The following SEMA5A variants were observed in gnomAD, a reference collection of about 807,000 sequenced individuals.
SEMA5A encodes the protein semaphorin-5A.
In SEMA5A, 55 loss-of-function variants were observed where a neutral mutation model predicts 135.5. The observed-to-expected ratio is 0.41, with a 90% CI of 0.33 to 0.51. SEMA5A has a LOEUF of 0.51. Among genes scored for constraint, SEMA5A ranks in the 20% least tolerant of loss-of-function variants. The pLI is 0.37. For missense variants in SEMA5A, 1,290 were observed against 1,419.9 expected, an observed-to-expected ratio of 0.91 and a Z score of 1.47; for synonymous variants, 580 against 546.5, an observed-to-expected ratio of 1.06 and a Z score of -0.85.
Position 9,224,726 on chromosome 5 carries a change from T to G in SEMA5A, c.594A>C (p.Leu198=). The G allele has an allele frequency of 1.2e-6, 2 of 1,614,138 alleles. No homozygotes were observed. The highest frequency in any genetic ancestry group is 1.7e-6 in the Non-Finnish European group (2 of 1,180,038). Residue 198 remains leucine, a synonymous_variant, in exon 8 of 23, where the codon CTA becomes CTC. Transcript: ENST00000382496. ...PGRDPAIYRS[L]GILPPLRTAQ... ...CCGTGCGGAGAGGAGGTAAAATGCC[T>G]AGGCTTCGGTAAATGGCAGGATCAC...
chr5:9,074,810 A>C (rs1359506073), intron 16 of SEMA5A, among the ~76,000 whole-genome samples: 2 of 152,206 alleles, frequency 1.3e-5, no homozygotes, highest in Non-Finnish European at 2.9e-5. Context: ...CAACAGAAAA[A>C]ACAAAAGCCC....
In SEMA5A at chr5:9,039,357, C is replaced by G. The variant is rs181825825; in HGVS notation, c.*3540G>C. On this transcript the variant is annotated 3_prime_UTR_variant, in exon 23 of 23. Transcript: ENST00000382496. ...TTTCTATTTGCCATCACCTGTGACC[C>G]GATGGGGCCAGACCCCTGGTTCATC... The G allele has an allele frequency of 6.6e-6, 1 of 152,322 alleles. No individual in the cohort carries two copies. Among genetic ancestry groups the G allele is most frequent in the African/African-American group, 2.4e-5 (1 of 41,440 alleles). The allele number at this position is 152,322 out of a possible 1,614,324, so 9.4% of individuals were successfully genotyped here.
At chr5:9,448,510 A>G (rs1443661807) in intron 1 of SEMA5A, among the ~76,000 whole-genome samples, 1 of 152,184 alleles carries the variant, frequency 6.6e-6, no homozygotes, top group Non-Finnish European at 1.5e-5. Flanking sequence ...TCATCTGTCA[A>G]GACAACTCCT....
intron 8 of SEMA5A, among the ~76,000 whole-genome samples, chr5:9,218,540 C>T (rs183162111): frequency 2.0e-5 from 3 of 152,306 alleles, no homozygotes; most frequent in East Asian, 1.9e-4. Flanking sequence ...CACAGTTAAT[C>T]GGAATGCAAA....
intron 2 of SEMA5A, among the ~76,000 whole-genome samples, chr5:9,396,881 C>T (rs1380799311): frequency 6.6e-6 from 1 of 152,164 alleles, no homozygotes; most frequent in Admixed American, 6.5e-5. Flanking sequence ...TCTGCTGTCT[C>T]ACCATCCTTG....
At position 9,536,297 on chromosome 5, in the gene SEMA5A, T is replaced by C. The variant is rs547050381; in HGVS notation, c.-175+9287A>G. 3.3e-5 allele frequency among the ~76,000 whole-genome samples: 5 copies of C among 151,912 alleles called. No individual in the cohort carries two copies. In the South Asian group the frequency reaches 1.0e-3, roughly 32 times the overall value. ...AGATGGGGGAAAAGTCACTAAAGGGTATCTGAAGAGCAGCCCTATGCAAAA... is the reference window on the plus strand; with the variant it reads ...AGATGGGGGAAAAGTCACTAAAGGGCATCTGAAGAGCAGCCCTATGCAAAA... On this transcript the variant is annotated intron_variant, in intron 1 of 22. Coordinates refer to ENST00000382496, the MANE Select transcript of SEMA5A (RefSeq NM_003966.3).
At chr5:9,508,183 C>T (rs1480184273) in intron 1 of SEMA5A, among the ~76,000 whole-genome samples, 1 of 152,090 alleles carries the variant, frequency 6.6e-6, no homozygotes, top group African/African-American at 2.4e-5. Context: ...ACAACCACAG[C>T]ATATGCTTTC....
intron 16 of SEMA5A, among the ~76,000 whole-genome samples, chr5:9,100,521 G>A (rs1739568398): frequency 6.6e-6 from 1 of 152,170 alleles, no homozygotes; most frequent in South Asian, 2.1e-4. Context: ...AGGCTTCTCA[G>A]AAAATCAGTT....
At chr5:9,490,078 T>C (rs1047537826) in intron 1 of SEMA5A, among the ~76,000 whole-genome samples, 2 of 152,184 alleles carry the variant, frequency 1.3e-5, no homozygotes, top group Non-Finnish European at 2.9e-5. Flanking sequence ...GGTGAGGCTA[T>C]GCAGGTAAGA....
At chr5:9,450,253 G>T (rs1349434855) in intron 1 of SEMA5A, among the ~76,000 whole-genome samples, 1 of 152,128 alleles carries the variant, frequency 6.6e-6, no homozygotes, top group East Asian at 1.9e-4. Flanking sequence ...GGCCAACCCG[G>T]TGGCCAATAG....
intron 11 of SEMA5A, among the ~76,000 whole-genome samples, chr5:9,186,784 AT>A (rs531464420): frequency 5.3e-5 from 8 of 152,234 alleles, no homozygotes; most frequent in Non-Finnish European, 8.8e-5. Context: ...TAATTGAGAA[AT>A]CCATCACCTA....
At chr5:9,509,259 A>AATTATTATTATTATT (rs112585205) in intron 1 of SEMA5A, among the ~76,000 whole-genome samples, 6 of 150,022 alleles carry the variant, frequency 4.0e-5, no homozygotes, top group African/African-American at 1.2e-4. Context: ...TCCAACATAA[A>AATTATTATTATTATT]ATTATTATTA....
At chr5:9,489,288 T>C (rs1734884885) in intron 1 of SEMA5A, among the ~76,000 whole-genome samples, 1 of 152,062 alleles carries the variant, frequency 6.6e-6, no homozygotes, top group African/African-American at 2.4e-5. Context: ...TCAGAATGCT[T>C]ACTAAATGGC....
chr5:9,203,857 G>A (rs1745860980), intron 8 of SEMA5A, among the ~76,000 whole-genome samples: 1 of 152,090 alleles, frequency 6.6e-6, no homozygotes, highest in African/African-American at 2.4e-5. Context: ...TGTAAAAGAT[G>A]GAGGTTAGAT....
rs544767752 is a variant in SEMA5A, at chr5:9,354,275, C to T, written c.125-16463G>A. Among the ~76,000 whole-genome samples the T allele has an allele frequency of 2.3e-3, 343 of 152,242 alleles. 2 individuals are homozygous for T. The highest frequency in any genetic ancestry group is 4.1e-3 in the Non-Finnish European group (280 of 68,014). ...GTCACTCTTGTTTCCCAGCGTGGGACGAAGCCATCACATGGACAAACTAGA... is the reference window on the plus strand; with the variant it reads ...GTCACTCTTGTTTCCCAGCGTGGGATGAAGCCATCACATGGACAAACTAGA... On this transcript the variant is annotated intron_variant, in intron 3 of 22. Coordinates refer to ENST00000382496, the MANE Select transcript of SEMA5A (RefSeq NM_003966.3).
At chr5:9,165,086 T>C (rs1405627915) in intron 11 of SEMA5A, among the ~76,000 whole-genome samples, 1 of 152,180 alleles carries the variant, frequency 6.6e-6, no homozygotes, top group Non-Finnish European at 1.5e-5. Flanking sequence ...GTCTCACGTG[T>C]ATAATGGCTT....
At chr5:9,465,255 C>T (rs758843933) in intron 1 of SEMA5A, among the ~76,000 whole-genome samples, 28 of 152,152 alleles carry the variant, frequency 1.8e-4, no homozygotes, top group Admixed American at 2.0e-4. Flanking sequence ...CAAGAGTTTC[C>T]GTAATTTTCA....
At chr5:9,064,464 TA>T (rs1277392159) in intron 17 of SEMA5A, among the ~76,000 whole-genome samples, 3 of 152,096 alleles carry the variant, frequency 2.0e-5, no homozygotes, top group Admixed American at 2.0e-4. Context: ...TATGCAGTCA[TA>T]AAAAAGGATG....
At chr5:9,328,448 A>T (rs1752972365) in intron 4 of SEMA5A, among the ~76,000 whole-genome samples, 1 of 152,202 alleles carries the variant, frequency 6.6e-6, no homozygotes, top group African/African-American at 2.4e-5. Flanking sequence ...AGGTTCTCAA[A>T]TTTACCAAGC....
Sources: allele counts gnomAD v4.1 joint callset (sites outside exome capture counted in the v4.1 genomes callset), GRCh38; gene constraint gnomAD v4.1.1; transcripts MANE v1.5; gene names NCBI Gene and HGNC (gene_info 2026-07-23, HGNC 2026-07-21).